The following ALDH1A3 variants were observed in gnomAD, a reference collection of about 807,000 sequenced individuals.
The protein encoded by ALDH1A3 is retinaldehyde dehydrogenase 3.
Under a neutral mutation model 57.5 loss-of-function variants are expected in ALDH1A3, and 28 were observed. The observed-to-expected ratio is 0.49, with a 90% confidence interval of 0.36 to 0.67. ALDH1A3 has a LOEUF of 0.67. ALDH1A3 is among the 30% of genes least tolerant of loss of function. The pLI is 0.00. For missense variants in ALDH1A3, 507 were observed against 669.4 expected, an observed-to-expected ratio of 0.76 and a Z score of 2.68; for synonymous variants, 281 against 264.8, an observed-to-expected ratio of 1.06 and a Z score of -0.59.
At chr15:100,900,530 C>T (rs901282843) in intron 8 of ALDH1A3, 45 bp from the exon 9 acceptor site, 2 of 1,525,314 alleles carry the variant, frequency 1.3e-6, no homozygotes, top group South Asian at 1.2e-5. Flanking sequence ...ACAACTTAAT[C>T]GCTTCCTCTC....
At position 100,892,344 on chromosome 15, in the gene ALDH1A3, C is replaced by G. The variant is rs565840169; in HGVS notation, c.346-166C>G. ...AATCCTCACACTCAGAGACAGGCCT[C>G]GCTTTACATTTGGTGTCATGCTTTC... On this transcript the variant is annotated intron_variant, in intron 3 of 12. Transcript: ENST00000329841. 3 of 867,196 alleles carry G rather than the reference C, an allele frequency of 3.5e-6. No homozygotes were observed. The Admixed American group carries it at 9.6e-5, about 28-fold the overall frequency. 53.7% of individuals were successfully genotyped at this position (867,196 alleles called of 1,614,324 possible). A position where few individuals can be genotyped will look rare whatever the true frequency, so the allele number is the denominator to read the frequency against.
chr15:100,910,968 C>G (rs949747536), intron 12 of ALDH1A3, among the ~76,000 whole-genome samples: 1 of 152,230 alleles, frequency 6.6e-6, no homozygotes, highest in Non-Finnish European at 1.5e-5. Flanking sequence ...CTCCTTAACA[C>G]CCCCTCGCCT....
chr15:100,893,019 G>A lies in ALDH1A3; in HGVS notation c.537+13G>A. 6.2e-7 allele frequency: 1 copy of A among 1,611,594 alleles called. No homozygotes were observed. The highest frequency in any genetic ancestry group is 1.1e-5 in the South Asian group (1 of 90,964). ...GGCCATCACTCCAGTAAGTATGGCA[G>A]CCTTTCTCAGTAGATTCTATGTAGA... On this transcript the variant is annotated intron_variant, in intron 5 of 12. Coordinates refer to ENST00000329841, the MANE Select transcript of ALDH1A3 (RefSeq NM_000693.4). The surrounding 1 kb of genome is among the most constrained non-coding windows in gnomAD (Gnocchi z 4.8).
In ALDH1A3 at chr15:100,908,435, A is replaced by G. The variant is rs773448078; in HGVS notation, c.1419A>G (p.Ala473=). The stretch of plus-strand genomic sequence containing the variant: ...TCAACTGCTACAACGCCCTCTATGC[A>G]CAGGCTCCATTTGGTGGCTTTAAAA... The part of the protein sequence containing the change: ...VWINCYNALY[A]QAPFGGFKMS... Residue 473 remains alanine (A), a synonymous_variant, in exon 12 of 13, where the codon GCA becomes GCG. Coordinates refer to ENST00000329841, the MANE Select transcript of ALDH1A3 (RefSeq NM_000693.4). 33 of 1,614,022 alleles carry G rather than the reference A, an allele frequency of 2.0e-5. 1 individual carries two copies. The South Asian group carries it at 3.5e-4, about 17-fold the overall frequency.
intron 3 of ALDH1A3, chr15:100,892,071 C>T: frequency 1.1e-5 from 2 of 177,138 alleles, no homozygotes; most frequent in South Asian, 1.3e-4. Flanking sequence ...TCGAGGAGGG[C>T]AGCTCCCACT....
chr15:100,902,404 G>A (rs1418936116), intron 9 of ALDH1A3, among the ~76,000 whole-genome samples: 9 of 152,194 alleles, frequency 5.9e-5, no homozygotes, highest in Admixed American at 2.6e-4. Context: ...TTTCATCTAC[G>A]GTAATAAGAT....
intron 3 of ALDH1A3, among the ~76,000 whole-genome samples, chr15:100,891,721 A>G (rs1042816823): frequency 2.0e-5 from 3 of 152,164 alleles, no homozygotes; most frequent in Non-Finnish European, 1.5e-5. Flanking sequence ...CAGGGCGGCC[A>G]CTTCCTGCAG....
intron 9 of ALDH1A3, among the ~76,000 whole-genome samples, chr15:100,903,200 C>G (rs1050476271): frequency 2.0e-5 from 3 of 147,990 alleles, no homozygotes; most frequent in African/African-American, 7.4e-5. Context: ...CCACGGTATC[C>G]CCAGTTCTTA....
chr15:100,897,475 G>C (rs945693387), intron 7 of ALDH1A3, among the ~76,000 whole-genome samples: 6 of 152,258 alleles, frequency 3.9e-5, no homozygotes, highest in Non-Finnish European at 5.9e-5. Context: ...AGCATGACTG[G>C]TGAGTGGCTT....
intron 2 of ALDH1A3, among the ~76,000 whole-genome samples, chr15:100,885,796 A>G (rs1193820437): frequency 6.6e-6 from 1 of 152,192 alleles, no homozygotes; most frequent in African/African-American, 2.4e-5. Context: ...TTTGAAGGAA[A>G]AAAAATAGTT....
At chr15:100,909,302 G>A (rs1455536511) in intron 12 of ALDH1A3, among the ~76,000 whole-genome samples, 2 of 124,544 alleles carry the variant, frequency 1.6e-5, no homozygotes, top group African/African-American at 3.2e-5. Context: ...AAACTCCTCA[G>A]TGTGTGAACC....
intron 8 of ALDH1A3, among the ~76,000 whole-genome samples, chr15:100,899,541 A>G (rs966803277): frequency 4.3e-4 from 65 of 152,168 alleles, no homozygotes; most frequent in African/African-American, 1.3e-3. Flanking sequence ...TGACATAACC[A>G]GCATCCCAGG....
chr15:100,888,518 C>A (rs2041619099), intron 3 of ALDH1A3: 1 of 152,132 alleles, frequency 6.6e-6, no homozygotes, highest in East Asian at 1.9e-4. Flanking sequence ...AAATAAATGC[C>A]ACCACTTAAC....
intron 8 of ALDH1A3, 67 bp from the exon 9 acceptor site, chr15:100,900,508 A>G: frequency 7.1e-7 from 1 of 1,418,110 alleles, no homozygotes; most frequent in South Asian, 1.3e-5. Context: ...AGCTGTCACC[A>G]GTCCTGCTTT....
At chr15:100,909,449 C>T (rs1187501806) in intron 12 of ALDH1A3, among the ~76,000 whole-genome samples, 1 of 138,508 alleles carries the variant, frequency 7.2e-6, no homozygotes, top group Non-Finnish European at 1.6e-5. Context: ...CTGCAAACCC[C>T]TCCACATGTG....
chr15:100,907,375 T>C (rs1178839979), intron 11 of ALDH1A3, 97 bp downstream of exon 11: 12 of 1,410,826 alleles, frequency 8.5e-6, no homozygotes, highest in Admixed American at 2.1e-5. Flanking sequence ...GTTTACATTG[T>C]ATATTATATA....
At position 100,892,823 on chromosome 15, in the gene ALDH1A3, G is replaced by T. The variant is rs142563533; in HGVS notation, c.476-122G>T. 4,206 of 1,336,648 alleles carry T rather than the reference G, an allele frequency of 3.1e-3. 50 individuals are homozygous for T. Among genetic ancestry groups the T allele is most frequent in the East Asian group, 0.028 (1,219 of 43,038 alleles). The allele number at this position is 1,336,648 out of a possible 1,614,324, so 82.8% of individuals were successfully genotyped here. A position where few individuals can be genotyped will look rare whatever the true frequency, so the allele number is the denominator to read the frequency against. ...AAAGTTGAGGTCAAATCACTTCTCT[G>T]TATAATAGACAAGACTTGAATCTGG... On this transcript the variant is annotated intron_variant, in intron 4 of 12. Transcript: ENST00000329841.
At position 100,889,620 on chromosome 15, in the gene ALDH1A3, G is replaced by A. The variant is rs28405557; in HGVS notation, c.345+1908G>A. ...ACTAATAGCAGGCTAGAGAGGATGT[G>A]CCCTGGGCACCCCCCGCCCTGAACC... On this transcript the variant is annotated intron_variant, in intron 3 of 12. Coordinates refer to ENST00000329841, the MANE Select transcript of ALDH1A3 (RefSeq NM_000693.4). This position sits in a 1 kb window ranked among gnomAD's most constrained non-coding sequence, Gnocchi z 5.1. Among the ~76,000 whole-genome samples the A allele has an allele frequency of 9.2e-5, 14 of 152,342 alleles. No individual in the cohort carries two copies. The highest frequency in any genetic ancestry group is 2.1e-4 in the South Asian group (1 of 4,830).
chr15:100,891,382 G>A (rs1211662121), intron 3 of ALDH1A3, among the ~76,000 whole-genome samples: 2 of 152,256 alleles, frequency 1.3e-5, no homozygotes, highest in Non-Finnish European at 2.9e-5. Flanking sequence ...GGGAGCTGGG[G>A]TAGCCCGAGC....
Sources: gnomAD v4.1 joint callset for allele counts (sites outside exome capture counted in the v4.1 genomes callset) on GRCh38, gnomAD v4.1.1 for gene constraint, Gnocchi (gnomAD v3.1) non-coding constraint, MANE v1.5 for transcripts, NCBI Gene and HGNC (gene_info 2026-07-23, HGNC 2026-07-21) for gene names.